RBM33: variants seen among roughly 807,000 people sequenced by gnomAD.
RBM33 encodes the protein RNA binding motif protein 33.
Under a neutral mutation model 132.6 loss-of-function variants are expected in RBM33, and 28 were observed. The observed-to-expected ratio is 0.21, with a 90% CI of 0.16 to 0.29. RBM33 has a LOEUF of 0.29. Ranked by LOEUF, RBM33 falls within the 10% of genes least tolerant of loss-of-function variation. The pLI, the probability that RBM33 is intolerant of heterozygous loss-of-function variation, is 1.00. For synonymous variants in RBM33, 634 were observed against 593.0 expected (o/e 1.07, Z -1.01); for missense variants, 1,291 against 1,518.5 (o/e 0.85, Z 2.49).
chr7:155,653,062 A>G (rs1238897968), intron 1 of RBM33, among the ~76,000 whole-genome samples: 3 of 152,170 alleles, frequency 2.0e-5, no homozygotes, highest in African/African-American at 4.8e-5. Context: ...ATAATATTCC[A>G]TTATATATCT....
rs765048302 is a variant in RBM33, at chr7:155,680,859, C to T, written c.518C>T (p.Thr173Ile). 1.0e-4 allele frequency: 161 copies of T among 1,613,694 alleles called. No individual in the cohort carries two copies. Among genetic ancestry groups the T allele is most frequent in the Non-Finnish European group, 1.3e-4 (156 of 1,179,800 alleles). ...GAGCCAGAGGAGGAGCAGCTTTACACTGATGAAGTGTTAGACATCGAGATC... is the reference window on the plus strand; with the variant it reads ...GAGCCAGAGGAGGAGCAGCTTTACATTGATGAAGTGTTAGACATCGAGATC... ...VEEPEEEQLY[T>I]DEVLDIEINE... The change falls in exon 5 of 18, where the codon ACT becomes ATT. Residue 173 changes from threonine (T) to isoleucine (I), a missense_variant. This residue lies in a region of RBM33 where 194 missense variants were observed against 249.8 expected (regional missense o/e 0.78). Coordinates refer to ENST00000401878, the MANE Select transcript of RBM33 (RefSeq NM_053043.3).
At chr7:155,749,033 G>C (rs893795659) in intron 14 of RBM33, among the ~76,000 whole-genome samples, 2 of 152,178 alleles carry the variant, frequency 1.3e-5, no homozygotes, top group Non-Finnish European at 2.9e-5. Context: ...GCAGTCATGT[G>C]ATGGGGTAAA....
chr7:155,738,475 G>T (rs2117025357), intron 11 of RBM33, 72 bp downstream of exon 11: 1 of 1,387,530 alleles, frequency 7.2e-7, no homozygotes, highest in Non-Finnish European at 9.8e-7. Flanking sequence ...TAAAGTTTCA[G>T]ATTTTTATTT....
chr7:155,773,080 A>C (rs1802483195), intron 16 of RBM33, among the ~76,000 whole-genome samples: 1 of 152,202 alleles, frequency 6.6e-6, no homozygotes. Context: ...TGAAATGGCC[A>C]CATGTGCCTC....
Position 155,701,058 on chromosome 7 carries a change from C to T in RBM33, c.739+114C>T, listed in dbSNP as rs186310695. 168 of 916,010 alleles carry T rather than the reference C, an allele frequency of 1.8e-4. 2 individuals are homozygous for T. In the South Asian group the frequency reaches 1.9e-3, roughly 10 times the overall value. The allele number at this position is 916,010 out of a possible 1,614,324, so 56.7% of individuals were successfully genotyped here. Reference sequence around the variant, plus strand: ...AGGTTGACTAGGTAATTGCGGCTGCCGTCCGGAGAGTGGCCGGACTTTGGA... The same window carrying T: ...AGGTTGACTAGGTAATTGCGGCTGCTGTCCGGAGAGTGGCCGGACTTTGGA... On this transcript the variant is annotated intron_variant, in intron 6 of 17. Transcript: ENST00000401878.
intron 14 of RBM33, among the ~76,000 whole-genome samples, chr7:155,751,085 G>A (rs953427639): frequency 3.9e-5 from 6 of 152,114 alleles, no homozygotes; most frequent in Admixed American, 1.3e-4. Flanking sequence ...TCCCACTTTT[G>A]GAATGATATG....
At chr7:155,773,890 C>T (rs1000814400) in intron 16 of RBM33, among the ~76,000 whole-genome samples, 2 of 152,246 alleles carry the variant, frequency 1.3e-5, no homozygotes, top group African/African-American at 4.8e-5. Flanking sequence ...CTGGATTCAT[C>T]ATTTCTTTTG....
intron 14 of RBM33, among the ~76,000 whole-genome samples, chr7:155,751,419 G>A (rs1801682989): frequency 6.6e-6 from 1 of 152,138 alleles, no homozygotes; most frequent in African/African-American, 2.4e-5. Context: ...CTTATCCATA[G>A]TACATATTCA....
At chr7:155,672,765 A>C in intron 2 of RBM33, 102 bp from the exon 3 acceptor site, 12 of 491,086 alleles carry the variant, frequency 2.4e-5, no homozygotes, top group East Asian at 8.4e-5. Context: ...AAAAAAAAAA[A>C]GGTACCTGAG....
chr7:155,753,118 C>A (rs1801736239), intron 14 of RBM33, among the ~76,000 whole-genome samples: 1 of 152,132 alleles, frequency 6.6e-6, no homozygotes, highest in Admixed American at 6.5e-5. Flanking sequence ...TACCCCTTTC[C>A]CCAGTACTTC....
chr7:155,689,040 A>C, intron 5 of RBM33, among the ~76,000 whole-genome samples: 1 of 152,210 alleles, frequency 6.6e-6, no homozygotes, highest in Admixed American at 6.5e-5. Context: ...TAGTTTCGGA[A>C]GTAATGGTAC....
At chr7:155,755,416 A>T (rs987138222) in intron 14 of RBM33, among the ~76,000 whole-genome samples, 1 of 152,266 alleles carries the variant, frequency 6.6e-6, no homozygotes, top group Non-Finnish European at 1.5e-5. Flanking sequence ...AGGTTTTCAT[A>T]ATACCTTTAC....
chr7:155,778,710 G>T lies in RBM33; in HGVS notation c.*3669G>T. The T allele has an allele frequency of 6.6e-6, 1 of 152,434 alleles. No individual in the cohort carries two copies. Among genetic ancestry groups the T allele is most frequent in the Non-Finnish European group, 1.5e-5 (1 of 68,122 alleles). 9.4% of individuals were successfully genotyped at this position (152,434 alleles called of 1,614,324 possible). On this transcript the variant is annotated 3_prime_UTR_variant, in exon 18 of 18. Transcript: ENST00000401878. The surrounding 1 kb of genome is among the most constrained non-coding windows in gnomAD (Gnocchi z 4.0). Reference sequence around the variant, plus strand: ...TGGAGCCTTGTCCTGGGATGGGTTTGAAGAACTCATCACTCATCACTTGTT... The same window carrying T: ...TGGAGCCTTGTCCTGGGATGGGTTTTAAGAACTCATCACTCATCACTTGTT...
At chr7:155,704,185 A>C (rs1800046865) in intron 6 of RBM33, among the ~76,000 whole-genome samples, 1 of 152,158 alleles carries the variant, frequency 6.6e-6, no homozygotes, top group Non-Finnish European at 1.5e-5. Flanking sequence ...AGTTTTATGC[A>C]CAGTTGTTGA....
intron 1 of RBM33, among the ~76,000 whole-genome samples, chr7:155,651,615 C>T (rs1418435592): frequency 6.7e-6 from 1 of 149,728 alleles, no homozygotes; most frequent in African/African-American, 2.5e-5. Context: ...GTCTAGGTTC[C>T]TGGGAAAAGA....
At chr7:155,711,542 G>T in intron 8 of RBM33, 87 bp downstream of exon 8, 2 of 795,170 alleles carry the variant, frequency 2.5e-6, no homozygotes, top group South Asian at 2.5e-5. Flanking sequence ...ACGCGTTTTT[G>T]ACTTCATGAG....
intron 5 of RBM33, among the ~76,000 whole-genome samples, chr7:155,692,534 A>G (rs1286952339): frequency 1.3e-5 from 2 of 152,026 alleles, no homozygotes; most frequent in Non-Finnish European, 2.9e-5. Flanking sequence ...CTGTAACACA[A>G]CCTCCTATGT....
chr7:155,684,237 C>G (rs891609437), intron 5 of RBM33, among the ~76,000 whole-genome samples: 2 of 152,150 alleles, frequency 1.3e-5, no homozygotes, highest in African/African-American at 2.4e-5. Context: ...AACCATTTTA[C>G]TGTTCATTTT....
chr7:155,741,698 C>G (rs2117031227), intron 12 of RBM33, 121 bp from the exon 13 acceptor site: 1 of 957,950 alleles, frequency 1.0e-6, no homozygotes, highest in South Asian at 1.7e-5. Flanking sequence ...TATCTGCTCC[C>G]CAAAAGAAGT....
Sources: allele counts gnomAD v4.1 joint callset (sites outside exome capture counted in the v4.1 genomes callset), GRCh38; gene constraint gnomAD v4.1.1; regional missense constraint gnomAD v4.1.1; non-coding constraint Gnocchi (gnomAD v3.1); transcripts MANE v1.5; gene names NCBI Gene and HGNC (gene_info 2026-07-23, HGNC 2026-07-21).